LDB2: variants seen among roughly 807,000 people sequenced by gnomAD.
The protein encoded by LDB2 is LIM domain binding 2.
A neutral mutation model predicts 44.3 loss-of-function variants in LDB2; 12 were observed. The observed-to-expected ratio is 0.27, with a 90% CI of 0.17 to 0.44. The LOEUF is 0.44. LDB2 is among the 20% of genes least tolerant of loss of function. LDB2 has a pLI of 1.00. For synonymous variants in LDB2, 164 were observed against 174.8 expected (o/e 0.94, Z 0.49); for missense variants, 344 against 473.5 (o/e 0.73, Z 2.54).
At chr4:16,604,360 A>G (rs937847742) in intron 2 of LDB2, among the ~76,000 whole-genome samples, 2 of 151,926 alleles carry the variant, frequency 1.3e-5, no homozygotes, top group African/African-American at 4.8e-5. Flanking sequence ...AGGCAAAATA[A>G]TCCACTATTC....
intron 1 of LDB2, among the ~76,000 whole-genome samples, chr4:16,809,075 C>A (rs1162407459): frequency 6.6e-6 from 1 of 152,174 alleles, no homozygotes; most frequent in Non-Finnish European, 1.5e-5. Flanking sequence ...TCTTTTTCTA[C>A]TTCCTCAGGC....
chr4:16,668,718 C>T (rs1341830232), intron 2 of LDB2, among the ~76,000 whole-genome samples: 1 of 152,282 alleles, frequency 6.6e-6, no homozygotes, highest in Middle Eastern at 3.4e-3. Flanking sequence ...TCAAAACAAC[C>T]TCAGCAGAGA....
At chr4:16,650,307 TAGCACAGTA>T (rs1324441203) in intron 2 of LDB2, among the ~76,000 whole-genome samples, 8 of 152,222 alleles carry the variant, frequency 5.3e-5, no homozygotes, top group Non-Finnish European at 1.0e-4. Flanking sequence ...ATTGGGTCAG[TAGCACAGTA>T]ATTGCCAATA....
At chr4:16,679,392 T>C (rs1747226780) in intron 2 of LDB2, among the ~76,000 whole-genome samples, 2 of 152,018 alleles carry the variant, frequency 1.3e-5, no homozygotes, top group Non-Finnish European at 2.9e-5. Flanking sequence ...TAAATGACAA[T>C]GATAGTGATG....
chr4:16,869,716 C>T (rs1715880272), intron 1 of LDB2, among the ~76,000 whole-genome samples: 1 of 152,190 alleles, frequency 6.6e-6, no homozygotes, highest in African/African-American at 2.4e-5. Flanking sequence ...GAGCTTCTTA[C>T]GTCACAAAAG....
intron 4 of LDB2, 69 bp from the exon 5 acceptor site, chr4:16,586,074 G>T (rs1048303950): frequency 4.3e-5 from 48 of 1,105,938 alleles, no homozygotes; most frequent in Non-Finnish European, 6.5e-5. Context: ...CTCAGACTGT[G>T]CTACAGCTGC....
intron 2 of LDB2, among the ~76,000 whole-genome samples, chr4:16,678,022 G>C (rs1746778749): frequency 6.6e-6 from 1 of 152,114 alleles, no homozygotes; most frequent in African/African-American, 2.4e-5. Flanking sequence ...GAGCGGTATT[G>C]GTGACTTCCA....
chr4:16,616,635 A>G (rs962878268), intron 2 of LDB2, among the ~76,000 whole-genome samples: 1 of 152,048 alleles, frequency 6.6e-6, no homozygotes, highest in Non-Finnish European at 1.5e-5. Context: ...TGTGTTTCCT[A>G]AGAGTGACTT....
chr4:16,806,841 A>AC (rs1778885359), intron 1 of LDB2, among the ~76,000 whole-genome samples: 1 of 150,936 alleles, frequency 6.6e-6, no homozygotes, highest in Admixed American at 6.6e-5. Context: ...AAGCTACTTC[A>AC]CCTCTTCTTG....
chr4:16,814,911 G>A (rs1484063397), intron 1 of LDB2, among the ~76,000 whole-genome samples: 1 of 152,096 alleles, frequency 6.6e-6, no homozygotes, highest in Non-Finnish European at 1.5e-5. Context: ...GCAGAAGTTG[G>A]AAGAAAAAAA....
chr4:16,810,018 A>G (rs1272059197), intron 1 of LDB2, among the ~76,000 whole-genome samples: 1 of 152,244 alleles, frequency 6.6e-6, no homozygotes, highest in Non-Finnish European at 1.5e-5. Flanking sequence ...CTAAATGAGC[A>G]GCTGGACATC....
chr4:16,872,221 C>T (rs1716912657), intron 1 of LDB2, among the ~76,000 whole-genome samples: 1 of 151,882 alleles, frequency 6.6e-6, no homozygotes, highest in South Asian at 2.1e-4. Context: ...TACTCAGGGA[C>T]ATCTTCTTTG....
intron 1 of LDB2, among the ~76,000 whole-genome samples, chr4:16,789,301 A>G (rs999348130): frequency 6.6e-6 from 1 of 152,186 alleles, no homozygotes; most frequent in African/African-American, 2.4e-5. Flanking sequence ...CATGACAAAT[A>G]TTTATCAAAG....
intron 2 of LDB2, among the ~76,000 whole-genome samples, chr4:16,658,625 T>C (rs1740590226): frequency 6.6e-6 from 1 of 152,158 alleles, no homozygotes; most frequent in African/African-American, 2.4e-5. Context: ...TAATTTAGAA[T>C]GTTCAAAAGC....
chr4:16,795,448 G>A (rs760052185), intron 1 of LDB2, among the ~76,000 whole-genome samples: 4 of 152,092 alleles, frequency 2.6e-5, no homozygotes, highest in Non-Finnish European at 5.9e-5. Context: ...TGTCTTGCTG[G>A]TCTCCCTCTA....
Position 16,682,875 on chromosome 4 carries a change from C to T in LDB2, c.235+76283G>A, listed in dbSNP as rs185597171. Among the ~76,000 whole-genome samples the T allele has an allele frequency of 3.3e-5, 5 of 152,342 alleles. No homozygotes were observed. The East Asian group carries it at 9.6e-4, about 29-fold the overall frequency. ...GGAAACAGCGTGCTAGCTATTGAGG[C>T]TTGTCTTCTGAGCCCCCAGTAATAC... On this transcript the variant is annotated intron_variant, in intron 2 of 7. Coordinates refer to ENST00000304523, the MANE Select transcript of LDB2 (RefSeq NM_001290.5).
At chr4:16,672,893 TC>T (rs755762801) in intron 2 of LDB2, among the ~76,000 whole-genome samples, 9 of 149,348 alleles carry the variant, frequency 6.0e-5, no homozygotes, top group African/African-American at 1.3e-4. Context: ...TCCTTTTTTT[TC>T]CTTCCCCCTC....
chr4:16,768,367 C>T (rs997247908), intron 1 of LDB2, among the ~76,000 whole-genome samples: 62 of 152,216 alleles, frequency 4.1e-4, no homozygotes, highest in African/African-American at 1.4e-3. Flanking sequence ...ATTTAAATAA[C>T]ACTATTAATT....
rs1260310173 is a variant in LDB2, at chr4:16,518,159, T to A, written c.616-6055A>T. On this transcript the variant is annotated intron_variant, in intron 5 of 7. Coordinates refer to ENST00000304523, the MANE Select transcript of LDB2 (RefSeq NM_001290.5). ...TCATATTAACAGAGGACCTAACAAA[T>A]GTAGACAGTGCAGTGTTTTGCTCTT... is the stretch of plus-strand genomic sequence containing the variant. 7.2e-5 allele frequency among the ~76,000 whole-genome samples: 11 copies of A among 152,296 alleles called. No individual in the cohort carries two copies. The East Asian group carries it at 2.1e-3, about 29-fold the overall frequency.
Sources: allele counts gnomAD v4.1 joint callset (sites outside exome capture counted in the v4.1 genomes callset), GRCh38; gene constraint gnomAD v4.1.1; transcripts MANE v1.5; gene names NCBI Gene and HGNC (gene_info 2026-07-23, HGNC 2026-07-21).